AKNAD1: variants seen among roughly 807,000 people sequenced by gnomAD.
AKNAD1 encodes AKNA domain containing 1.
AKNAD1 carries 67 observed loss-of-function variants against 90.8 expected under a neutral mutation model. The ratio of observed to expected loss-of-function variants is 0.74; its 90% CI spans 0.61 to 0.90. The LOEUF (loss-of-function observed/expected upper bound fraction) is 0.90, where lower values mean the gene tolerates loss of function less well. Among genes scored for constraint, AKNAD1 ranks in the 40% least tolerant of loss-of-function variants. The pLI is 0.00. For missense variants in AKNAD1, 957 were observed against 975.4 expected (o/e 0.98, Z 0.25); for synonymous variants, 327 against 341.4 (o/e 0.96, Z 0.46).
rs1193296540 is a variant in AKNAD1, at chr1:108,852,362, T to G, written c.303A>C (p.Glu101Asp). The G allele has an allele frequency of 2.5e-6, 4 of 1,614,108 alleles. No homozygotes were observed. The highest frequency in any genetic ancestry group is 3.4e-6 in the Non-Finnish European group (4 of 1,180,006). Residue 101 changes from glutamate to aspartate, a missense_variant, in exon 2 of 16, where the codon GAA (glutamate) becomes GAC (aspartate). Glu to Asp is a conservative substitution (Grantham distance 45, BLOSUM62 2). Coordinates refer to ENST00000370001, the MANE Select transcript of AKNAD1 (RefSeq NM_152763.5). ...AAATGCTTGACTTAGAAGCGTCTCC[T>G]TCATTTGCTGGAATATGAAGAGCTG... ...CTAALHIPAN[E>D]GDASKSSISD...
At chr1:108,841,221 A>G (rs1186735478) in intron 6 of AKNAD1, among the ~76,000 whole-genome samples, 1 of 151,854 alleles carries the variant, frequency 6.6e-6, no homozygotes, top group African/African-American at 2.4e-5. Context: ...AAAGAAATAA[A>G]ATGATGGAGC....
rs1227296804 is a variant in AKNAD1, at chr1:108,843,120, G to T, written c.1379+14C>A. On this transcript the variant is annotated intron_variant, in intron 6 of 15. Transcript: ENST00000370001. Reference sequence around the variant, plus strand: ...TTTGACCCTTCCACCTTACACAGTTGGTTTAAATCTGACCTTTCTGGATCA... The same window carrying T: ...TTTGACCCTTCCACCTTACACAGTTTGTTTAAATCTGACCTTTCTGGATCA... The T allele has an allele frequency of 6.2e-7, 1 of 1,613,540 alleles. No individual in the cohort carries two copies. The highest frequency in any genetic ancestry group is 1.3e-5 in the African/African-American group (1 of 75,022).
chr1:108,834,871 G>A (rs1664329480), intron 8 of AKNAD1, 58 bp downstream of exon 8: 1 of 1,494,892 alleles, frequency 6.7e-7, no homozygotes, highest in African/African-American at 1.4e-5. Context: ...GAGGCTGCAT[G>A]AGGAAGGGGC....
chr1:108,852,133 CA>C lies in AKNAD1; in HGVS notation c.531del (p.Asp177GlufsTer21). ...ELTDQLNPKR[D>X]GENSNKPGSA... Reference sequence around the variant, plus strand: ...GAACCAGGCTTATTGCTGTTTTCACCATCCCTTTTCGGGTTGAGTTGGTCAG... The same window carrying C: ...GAACCAGGCTTATTGCTGTTTTCACCTCCCTTTTCGGGTTGAGTTGGTCAG... On this transcript the variant is annotated frameshift_variant, in exon 2 of 16. Coordinates refer to ENST00000370001, the MANE Select transcript of AKNAD1 (RefSeq NM_152763.5). LOFTEE classifies it high-confidence loss of function. The C allele has an allele frequency of 6.2e-7, 1 of 1,614,152 alleles. No homozygotes were observed. The highest frequency in any genetic ancestry group is 8.5e-7 in the Non-Finnish European group (1 of 1,180,020).
intron 9 of AKNAD1, 158 bp from the exon 10 acceptor site, chr1:108,830,808 G>T: frequency 3.0e-6 from 2 of 665,538 alleles, no homozygotes; most frequent in Non-Finnish European, 5.3e-6. Context: ...AAAGGGAGGC[G>T]CAGGGGGACA....
intron 13 of AKNAD1, 68 bp downstream of exon 13, chr1:108,823,302 T>C (rs1294314459): frequency 1.6e-6 from 2 of 1,243,196 alleles, no homozygotes; most frequent in East Asian, 2.3e-5. Context: ...GCCAGTGTCA[T>C]GTGAATGTCC....
At chr1:108,836,708 T>C (rs1206064230) in intron 7 of AKNAD1, 1 of 152,248 alleles carries the variant, frequency 6.6e-6, no homozygotes, top group Admixed American at 6.5e-5. Flanking sequence ...CTTCAAATAC[T>C]GTATGAAACT....
chr1:108,852,161 G>A lies in AKNAD1; in HGVS notation c.504C>T (p.Leu168=). ...CCCTTTTCGGGTTGAGTTGGTCAGTGAGTTCTGGGGTTTGTTCTTTTGGCC... is the reference window on the plus strand; with the variant it reads ...CCCTTTTCGGGTTGAGTTGGTCAGTAAGTTCTGGGGTTTGTTCTTTTGGCC... ...NSWPKEQTPE[L]TDQLNPKRDG... is the part of the protein sequence containing the mutation. Residue 168 remains leucine (L), a synonymous_variant, in exon 2 of 16, where the codon CTC becomes CTT. Transcript: ENST00000370001. 1 of 1,614,044 alleles carries A rather than the reference G, an allele frequency of 6.2e-7. No individual in the cohort carries two copies. Among genetic ancestry groups the A allele is most frequent in the Non-Finnish European group, 8.5e-7 (1 of 1,180,016 alleles).
At chr1:108,837,853 T>C (rs979880118) in intron 6 of AKNAD1, 147 bp from the exon 7 acceptor site, 1 of 873,238 alleles carries the variant, frequency 1.1e-6, no homozygotes, top group Non-Finnish European at 1.8e-6. Flanking sequence ...CGCATGACTG[T>C]TCATAGTTTC....
At position 108,834,511 on chromosome 1, in the gene AKNAD1, T is replaced by C. The variant is rs375472058; in HGVS notation, c.1682A>G (p.Tyr561Cys). Residue 561 changes from tyrosine to cysteine, a missense_variant, in exon 9 of 16, where the codon TAT becomes TGT. Transcript: ENST00000370001. Reference protein sequence around the residue: ...LAPQTYLNGHYGDAAAQNKPD... With the variant: ...LAPQTYLNGHCGDAAAQNKPD... ...CTTGTTCTGGGCAGCTGCATCTCCA[T>C]AATGACCGTTTAGGTAACTAATTTA... 187 of 1,601,334 alleles carry C rather than the reference T, an allele frequency of 1.2e-4. No homozygotes were observed. Among genetic ancestry groups the C allele is most frequent in the Non-Finnish European group, 1.6e-4 (183 of 1,176,342 alleles).
intron 11 of AKNAD1, among the ~76,000 whole-genome samples, chr1:108,826,020 G>A: frequency 6.6e-6 from 1 of 151,678 alleles, no homozygotes; most frequent in East Asian, 2.0e-4. Context: ...TATATGGCTG[G>A]TAAAGGAAGG....
At chr1:108,817,485 T>TC (rs1663651965) in intron 14 of AKNAD1, 1 of 148,516 alleles carries the variant, frequency 6.7e-6, no homozygotes, top group South Asian at 2.3e-4. Flanking sequence ...CAACTTTCTT[T>TC]TTTTTTTTTT....
chr1:108,850,261 C>A (rs1664810480), intron 2 of AKNAD1, among the ~76,000 whole-genome samples: 1 of 152,202 alleles, frequency 6.6e-6, no homozygotes, highest in Admixed American at 6.5e-5. Flanking sequence ...TCTTTCTAGA[C>A]ATCTCAACTA....
At chr1:108,829,781 C>T (rs576476951) in intron 10 of AKNAD1, among the ~76,000 whole-genome samples, 1 of 152,212 alleles carries the variant, frequency 6.6e-6, no homozygotes, top group Admixed American at 6.5e-5. Flanking sequence ...TTGCTAAACA[C>T]CTGCTGCCTC....
intron 15 of AKNAD1, chr1:108,816,801 G>A (rs999606138): frequency 3.9e-5 from 17 of 436,760 alleles, no homozygotes; most frequent in Admixed American, 1.1e-4. Flanking sequence ...GGGAAATCCT[G>A]TAGCTGAGGC....
chr1:108,853,136 C>CTTTTTTTTTTTTTTTT lies in AKNAD1; in HGVS notation c.-103-370_-103-369insAAAAAAAAAAAAAAAA, dbSNP rs889504364. On this transcript the variant is annotated intron_variant, in intron 1 of 15. Transcript: ENST00000370001. ...AAAGGATTGATTTTTTTTCTTTTTT[C>CTTTTTTTTTTTTTTTT]TTTTTTTTTTTTTGAGACGGAGTCT... Among the ~76,000 whole-genome samples the CTTTTTTTTTTTTTTTT allele has an allele frequency of 2.1e-3, 287 of 133,512 alleles. 4 individuals carry two copies. The highest frequency in any genetic ancestry group is 3.1e-3 in the Non-Finnish European group (196 of 63,136). The allele number at this position is 133,512 out of a possible 152,430, so 87.6% of individuals were successfully genotyped here. A position where few individuals can be genotyped will look rare whatever the true frequency, so the allele number is the denominator to read the frequency against.
intron 7 of AKNAD1, chr1:108,836,728 A>G (rs987796529): frequency 3.3e-5 from 5 of 152,226 alleles, no homozygotes; most frequent in African/African-American, 1.2e-4. Context: ...TAAAGAGTCA[A>G]TTTAAGGTAT....
intron 6 of AKNAD1, among the ~76,000 whole-genome samples, chr1:108,841,134 C>T (rs1409262492): frequency 1.3e-5 from 2 of 152,012 alleles, no homozygotes; most frequent in African/African-American, 4.8e-5. Context: ...GATCGCGCCA[C>T]TGCACTCCAG....
At chr1:108,844,128 C>T (rs1351368376) in intron 5 of AKNAD1, among the ~76,000 whole-genome samples, 2 of 152,070 alleles carry the variant, frequency 1.3e-5, no homozygotes, top group South Asian at 2.1e-4. Context: ...TTTGGGAGGC[C>T]GAAGTGGGCA....
Sources: gnomAD v4.1 joint callset for allele counts (sites outside exome capture counted in the v4.1 genomes callset) on GRCh38, gnomAD v4.1.1 for gene constraint, MANE v1.5 for transcripts, NCBI Gene and HGNC (gene_info 2026-07-23, HGNC 2026-07-21) for gene names.